HMGN4: variants seen among roughly 807,000 people sequenced by gnomAD.
HMGN4 encodes the protein high mobility group nucleosome-binding domain-containing protein 4.
For synonymous variants in HMGN4, 39 were observed against 39.1 expected (o/e 1.00, Z 0.01); for missense variants, 69 against 104.9 (o/e 0.66, Z 1.49).
chr6:26,539,238 G>A (rs1431436513), intron 1 of HMGN4, among the ~76,000 whole-genome samples: 1 of 152,118 alleles, frequency 6.6e-6, no homozygotes. Context: ...AGATCATATT[G>A]CTCCAGGTTC....
At chr6:26,543,381 G>C (rs572811772) in intron 1 of HMGN4, among the ~76,000 whole-genome samples, 1 of 139,018 alleles carries the variant, frequency 7.2e-6, no homozygotes, top group East Asian at 2.6e-4. Context: ...GTCAGGTGTA[G>C]TTAGATCAGT....
At chr6:26,540,328 C>CT (rs11333869) in intron 1 of HMGN4, among the ~76,000 whole-genome samples, 22 of 144,160 alleles carry the variant, frequency 1.5e-4, no homozygotes, top group South Asian at 2.2e-4. Context: ...GCCTGTGAAT[C>CT]TTTTTTTTTT....
chr6:26,542,748 A>G lies in HMGN4; in HGVS notation c.-80-2379A>G, dbSNP rs1315927462. Among the ~76,000 whole-genome samples, 1 of 152,180 alleles carries G rather than the reference A, an allele frequency of 6.6e-6. No homozygotes were observed. Among genetic ancestry groups the G allele is most frequent in the Non-Finnish European group, 1.5e-5 (1 of 68,034 alleles). ...GGTGAGTTTCAAGAATTAAATCCGTATTTATATACTCAGATACAGCATCCA... is the reference window on the plus strand; with the variant it reads ...GGTGAGTTTCAAGAATTAAATCCGTGTTTATATACTCAGATACAGCATCCA... On this transcript the variant is annotated intron_variant, in intron 1 of 1. Coordinates refer to ENST00000377575, the MANE Select transcript of HMGN4 (RefSeq NM_006353.3). This position sits in a 1 kb window ranked among gnomAD's most constrained non-coding sequence, Gnocchi z 4.6.
At chr6:26,544,180 C>G (rs1201583422) in intron 1 of HMGN4, among the ~76,000 whole-genome samples, 2 of 152,164 alleles carry the variant, frequency 1.3e-5, no homozygotes, top group African/African-American at 4.8e-5. Context: ...CTGGACTAAC[C>G]TCCATGCCTT....
rs765943372 is a variant in HMGN4, at chr6:26,545,465, G to C, written c.259G>C (p.Gly87Arg). The C allele has an allele frequency of 6.4e-7, 1 of 1,561,372 alleles. No homozygotes were observed. The highest frequency in any genetic ancestry group is 8.6e-7 in the Non-Finnish European group (1 of 1,156,774). ...CCAGTCCCAGAAAGCGGAAGGCACT[G>C]GGGATGCCAAGTGAAATGTACATTT... ...TLQSQKAEGT[G>R]DAK The change falls in exon 2 of 2, where the codon GGG (glycine) becomes CGG (arginine). Residue 87 changes from glycine (G) to arginine (R), a missense_variant. Transcript: ENST00000377575.
In HMGN4 at chr6:26,545,402, G is replaced by C. The variant is rs1176437302; in HGVS notation, c.196G>C (p.Gly66Arg). 1 of 1,613,196 alleles carries C rather than the reference G, an allele frequency of 6.2e-7. No homozygotes were observed. The highest frequency in any genetic ancestry group is 8.5e-7 in the Non-Finnish European group (1 of 1,179,782). The change falls in exon 2 of 2, where the codon GGG becomes CGG. Residue 66 changes from glycine to arginine, a missense_variant. Coordinates refer to ENST00000377575, the MANE Select transcript of HMGN4 (RefSeq NM_006353.3). Reference sequence around the variant, plus strand: ...GGGGAAAGCAGATGCTGGAAAGGATGGGAACAACCCTGCAAAAAACCGAGA... The same window carrying C: ...GGGGAAAGCAGATGCTGGAAAGGATCGGAACAACCCTGCAAAAAACCGAGA... Reference protein sequence around the residue: ...RKGKADAGKDGNNPAKNRDAS... With the variant: ...RKGKADAGKDRNNPAKNRDAS...
intron 1 of HMGN4, among the ~76,000 whole-genome samples, chr6:26,541,799 G>T (rs756184255): frequency 3.3e-5 from 5 of 152,192 alleles, no homozygotes; most frequent in Admixed American, 1.3e-4. Context: ...CTGGTTAAAT[G>T]AGGAGTTAAA....
chr6:26,540,988 T>C (rs1387670929), intron 1 of HMGN4, among the ~76,000 whole-genome samples: 3 of 152,330 alleles, frequency 2.0e-5, no homozygotes, highest in East Asian at 3.9e-4. Flanking sequence ...TGGAAAAATA[T>C]ATTTTGAGAG....
At chr6:26,545,022 T>G in intron 1 of HMGN4, 105 bp from the exon 2 acceptor site, 2 of 403,538 alleles carry the variant, frequency 5.0e-6, no homozygotes, top group Non-Finnish European at 4.4e-6. Flanking sequence ...TATGCTATCT[T>G]TTTTGATATA....
rs770558763 is a variant in HMGN4, at chr6:26,545,483, G to A, written c.*4G>A. The A allele has an allele frequency of 1.9e-6, 3 of 1,541,082 alleles. No individual in the cohort carries two copies. Among genetic ancestry groups the A allele is most frequent in the African/African-American group, 1.4e-5 (1 of 71,982 alleles). On this transcript the variant is annotated 3_prime_UTR_variant, in exon 2 of 2. Coordinates refer to ENST00000377575, the MANE Select transcript of HMGN4 (RefSeq NM_006353.3). ...AGGCACTGGGGATGCCAAGTGAAAT[G>A]TACATTTTTGAGAGCTCTGTACTTA... is the stretch of plus-strand genomic sequence containing the variant.
rs1350222692 is a variant in HMGN4 at position 26,545,272 on chromosome 6, G to A, written c.66G>A (p.Gln22=). 6.2e-7 allele frequency: 1 copy of A among 1,614,136 alleles called. No individual in the cohort carries two copies. Among genetic ancestry groups the A allele is most frequent in the Admixed American group, 1.7e-5 (1 of 60,014 alleles). Residue 22 remains glutamine, a synonymous_variant, in exon 2 of 2, where the codon CAG becomes CAA. Transcript: ENST00000377575. The part of the protein sequence containing the change: ...GDKAKVKDEP[Q]RRSARLSAKP... ...AAGCAAAGGTGAAGGATGAGCCACA[G>A]AGGAGATCAGCTCGGTTGTCTGCTA...
At position 26,542,669 on chromosome 6, in the gene HMGN4, A is replaced by G. The variant is rs780398064; in HGVS notation, c.-80-2458A>G. 1.3e-5 allele frequency among the ~76,000 whole-genome samples: 2 copies of G among 152,162 alleles called. No individual in the cohort carries two copies. Among genetic ancestry groups the G allele is most frequent in the African/African-American group, 4.8e-5 (2 of 41,428 alleles). ...CATTATGTGTGTATCTGTCTCCCAC[A>G]TTTGTAAGGTCTCTAGAGAGTCAGT... On this transcript the variant is annotated intron_variant, in intron 1 of 1. Coordinates refer to ENST00000377575, the MANE Select transcript of HMGN4 (RefSeq NM_006353.3). The surrounding 1 kb of genome is among the most constrained non-coding windows in gnomAD (Gnocchi z 4.6).
rs556803799 is a variant in HMGN4 at position 26,542,704 on chromosome 6, T to C, written c.-80-2423T>C. 2.0e-5 allele frequency among the ~76,000 whole-genome samples: 3 copies of C among 152,334 alleles called. No homozygotes were observed. Among genetic ancestry groups the C allele is most frequent in the African/African-American group, 7.2e-5 (3 of 41,590 alleles). On this transcript the variant is annotated intron_variant, in intron 1 of 1. Coordinates refer to ENST00000377575, the MANE Select transcript of HMGN4 (RefSeq NM_006353.3). This position sits in a 1 kb window ranked among gnomAD's most constrained non-coding sequence, Gnocchi z 4.6. ...TCTCTAGAGAGTCAGTGACCTGGTC[T>C]CCTAATCAGCTTCCTAAAGGTGAGT...
chr6:26,545,699 C>T lies in HMGN4; in HGVS notation c.*220C>T. ...AATAAGGGAAAATAGGATTTTCTGT[C>T]CTGGTTTTTGAAGATTGTTCTTGAT... is the stretch of plus-strand genomic sequence containing the variant. On this transcript the variant is annotated 3_prime_UTR_variant, in exon 2 of 2. Transcript: ENST00000377575. 3.3e-6 allele frequency: 1 copy of T among 305,134 alleles called. No individual in the cohort carries two copies. The allele number at this position is 305,134 out of a possible 1,614,324, so 18.9% of individuals were successfully genotyped here.
At chr6:26,544,777 A>G (rs1329378827) in intron 1 of HMGN4, among the ~76,000 whole-genome samples, 1 of 152,192 alleles carries the variant, frequency 6.6e-6, no homozygotes, top group Non-Finnish European at 1.5e-5. Context: ...TAGATATGAA[A>G]TGTTATATCC....
At chr6:26,538,914 G>T (rs144776453) in intron 1 of HMGN4, among the ~76,000 whole-genome samples, 1 of 152,290 alleles carries the variant, frequency 6.6e-6, no homozygotes, top group East Asian at 1.9e-4. Flanking sequence ...ATTTACCTTC[G>T]AGAAACCCTC....
chr6:26,545,191 G>C lies in HMGN4; in HGVS notation c.-16G>C. On this transcript the variant is annotated 5_prime_UTR_variant, in exon 2 of 2. Coordinates refer to ENST00000377575, the MANE Select transcript of HMGN4 (RefSeq NM_006353.3). ...CAACAGGACTGCTCAAGCCACCTGC[G>C]AACACTGCTGCTACCATGCCCAAGA... is the stretch of plus-strand genomic sequence containing the variant. 1 of 1,585,092 alleles carries C rather than the reference G, an allele frequency of 6.3e-7. No individual in the cohort carries two copies. The highest frequency in any genetic ancestry group is 2.2e-5 in the East Asian group (1 of 44,486).
intron 1 of HMGN4, among the ~76,000 whole-genome samples, chr6:26,544,220 A>G (rs1764322839): frequency 6.6e-6 from 1 of 152,158 alleles, no homozygotes; most frequent in Non-Finnish European, 1.5e-5. Context: ...CCAACTCCCA[A>G]GAGATGACCA....
At chr6:26,540,792 G>C (rs552444992) in intron 1 of HMGN4, among the ~76,000 whole-genome samples, 2 of 152,104 alleles carry the variant, frequency 1.3e-5, no homozygotes, top group Non-Finnish European at 2.9e-5. Context: ...TTCTGATTTC[G>C]GGGTGGGATT....
Sources: allele counts gnomAD v4.1 joint callset (sites outside exome capture counted in the v4.1 genomes callset), GRCh38; gene constraint gnomAD v4.1.1; non-coding constraint Gnocchi (gnomAD v3.1); transcripts MANE v1.5; gene names NCBI Gene and HGNC (gene_info 2026-07-23, HGNC 2026-07-21).